PDK1: variants seen among roughly 807,000 people sequenced by gnomAD.
PDK1 encodes the protein [Pyruvate dehydrogenase (acetyl-transferring)] kinase isozyme 1, mitochondrial.
In PDK1, 39 loss-of-function variants were observed where a neutral mutation model predicts 54.2. The ratio of observed to expected loss-of-function variants is 0.72; its 90% CI spans 0.56 to 0.94. The LOEUF is 0.94. PDK1 is among the 40% of genes least tolerant of loss of function. The probability of loss-of-function intolerance (pLI) is 0.00; values close to 1 mark genes in which losing one functional copy is unlikely to be tolerated. For missense variants in PDK1, 552 were observed against 566.0 expected, an observed-to-expected ratio of 0.98 and a Z score of 0.25; for synonymous variants, 221 against 207.1, an observed-to-expected ratio of 1.07 and a Z score of -0.58.
At chr2:172,709,879 A>G in the PDK1 span, among the ~76,000 whole-genome samples, 4 of 152,228 alleles carry the variant, frequency 2.6e-5, no homozygotes, top group African/African-American at 9.6e-5. Context: ...CTTATCGCTC[A>G]GTGATAAACC....
chr2:172,698,876 G>A, the PDK1 span, among the ~76,000 whole-genome samples: 17 of 152,236 alleles, frequency 1.1e-4, no homozygotes, highest in African/African-American at 4.1e-4. Flanking sequence ...TTGTTTCTTA[G>A]AAGCTCCTCA....
At chr2:172,641,014 CTT>C in the PDK1 span, among the ~76,000 whole-genome samples, 92,924 of 132,414 alleles carry the variant, frequency 0.7, 30,763 homozygotes, top group Non-Finnish European at 0.78. Flanking sequence ...TTCTTTCTTT[CTT>C]TCTTTTCTTT....
At chr2:172,643,767 C>T in the PDK1 span, among the ~76,000 whole-genome samples, 4 of 152,192 alleles carry the variant, frequency 2.6e-5, no homozygotes, top group Non-Finnish European at 4.4e-5. Flanking sequence ...CTCCCTGCCC[C>T]ACCGTGAGAA....
At chr2:172,582,009 T>C (rs184744665) in intron 8 of PDK1, among the ~76,000 whole-genome samples, 90 of 151,892 alleles carry the variant, frequency 5.9e-4, no homozygotes, top group Middle Eastern at 6.8e-3. Context: ...CTTTCCCGGG[T>C]TCAAGCAATT....
chr2:172,632,139 C>T, the PDK1 span, among the ~76,000 whole-genome samples: 2 of 151,724 alleles, frequency 1.3e-5, no homozygotes, highest in Admixed American at 6.6e-5. Context: ...CTGGGCATGG[C>T]AGCCTGTAAT....
chr2:172,703,121 C>A, the PDK1 span, among the ~76,000 whole-genome samples: 1 of 152,138 alleles, frequency 6.6e-6, no homozygotes, highest in African/African-American at 2.4e-5. Context: ...AGATTTTGCA[C>A]ACACATGCAG....
chr2:172,673,230 T>C, the PDK1 span, among the ~76,000 whole-genome samples: 33 of 152,296 alleles, frequency 2.2e-4, no homozygotes, highest in East Asian at 6.4e-3. Flanking sequence ...GTTGTCCACA[T>C]GCACAGTGGC....
intron 8 of PDK1, among the ~76,000 whole-genome samples, chr2:172,582,860 C>T (rs1190306277): frequency 6.6e-6 from 1 of 152,188 alleles, no homozygotes; most frequent in Non-Finnish European, 1.5e-5. Context: ...TTAGTTTGCC[C>T]TTTACCTCTA....
chr2:172,700,998 G>C, the PDK1 span, among the ~76,000 whole-genome samples: 6 of 152,202 alleles, frequency 3.9e-5, no homozygotes, highest in African/African-American at 1.4e-4. Flanking sequence ...CCGTGCAAAG[G>C]GGAGAGGGAG....
In PDK1 at chr2:172,558,796, TCTC is replaced by T. The variant is rs1688497886; in HGVS notation, c.288_290del (p.Leu97del). 1 of 1,611,904 alleles carries T rather than the reference TCTC, an allele frequency of 6.2e-7. No individual in the cohort carries two copies. The highest frequency in any genetic ancestry group is 8.5e-7 in the Non-Finnish European group (1 of 1,179,074). On this transcript the variant is annotated inframe_deletion, in exon 2 of 11. Coordinates refer to ENST00000282077, the MANE Select transcript of PDK1 (RefSeq NM_002610.5). ...TGGCAAATATAATGAAAGAAATAAGTCTCCTTCCAGATAATCTTCTCAGGACAC... is the reference window on the plus strand; with the variant it reads ...TGGCAAATATAATGAAAGAAATAAGTCTTCCAGATAATCTTCTCAGGACAC...
chr2:172,670,293 G>A, the PDK1 span, among the ~76,000 whole-genome samples: 3 of 152,080 alleles, frequency 2.0e-5, no homozygotes, highest in Non-Finnish European at 4.4e-5. Flanking sequence ...TCATATTCTA[G>A]GATCTCCAGT....
chr2:172,671,072 C>A, the PDK1 span, among the ~76,000 whole-genome samples: 3 of 150,602 alleles, frequency 2.0e-5, no homozygotes, highest in Non-Finnish European at 3.0e-5. Flanking sequence ...AAATCTAATT[C>A]CCTGCCGTGT....
intron 9 of PDK1, among the ~76,000 whole-genome samples, chr2:172,592,615 TG>T (rs1690662827): frequency 6.6e-6 from 1 of 152,120 alleles, no homozygotes. Context: ...AAGAACCCAC[TG>T]GAAGGAACCA....
rs1479647092 is a variant in PDK1 at position 172,572,841 on chromosome 2, AT to A, written c.945+2021del. Among the ~76,000 whole-genome samples, 15 of 152,326 alleles carry A rather than the reference AT, an allele frequency of 9.8e-5. 1 individual carries two copies. Among genetic ancestry groups the A allele is most frequent in the African/African-American group, 3.6e-4 (15 of 41,580 alleles). ...TGTTTGTGTATTTCTCTTTCTGGGCATTTTATATAAATTTAATCATGCAGTA... is the reference window on the plus strand; with the variant it reads ...TGTTTGTGTATTTCTCTTTCTGGGCATTTATATAAATTTAATCATGCAGTA... On this transcript the variant is annotated intron_variant, in intron 8 of 10. Transcript: ENST00000282077.
chr2:172,636,804 T>C, the PDK1 span, among the ~76,000 whole-genome samples: 1 of 151,426 alleles, frequency 6.6e-6, no homozygotes, highest in Admixed American at 6.6e-5. Flanking sequence ...CGATGGTCCA[T>C]ACATCTCCCA....
intron 8 of PDK1, among the ~76,000 whole-genome samples, chr2:172,583,728 A>G (rs186100121): frequency 6.2e-4 from 95 of 152,242 alleles, no homozygotes; most frequent in African/African-American, 2.2e-3. Context: ...ATATCTACAT[A>G]ATTACCATTA....
chr2:172,633,958 C>A, the PDK1 span, among the ~76,000 whole-genome samples: 1 of 128,010 alleles, frequency 7.8e-6, no homozygotes, highest in Non-Finnish European at 1.6e-5. Context: ...TCACTGCAAA[C>A]TCCACCTCCT....
chr2:172,566,927 C>A lies in PDK1; in HGVS notation c.763C>A (p.Leu255Ile), dbSNP rs1250197783. 6 of 1,598,408 alleles carry A rather than the reference C, an allele frequency of 3.8e-6. No homozygotes were observed. Among genetic ancestry groups the A allele is most frequent in the Non-Finnish European group, 5.1e-6 (6 of 1,166,636 alleles). ...CTCTCCCGAACTAGAACTTGAAGAA[C>A]TAAATGGTAAGCCTGATGTTGTCTT... Reference protein sequence around the residue: ...INSPELELEELNAKSPGQPIQ... With the variant: ...INSPELELEEINAKSPGQPIQ... Residue 255 changes from leucine (L) to isoleucine (I), a missense_variant, in exon 6 of 11, where the codon CTA becomes ATA. Leu to Ile is a conservative substitution (Grantham distance 5, BLOSUM62 2). Transcript: ENST00000282077.
chr2:172,591,650 G>C (rs1160635932), intron 9 of PDK1, among the ~76,000 whole-genome samples: 1 of 152,184 alleles, frequency 6.6e-6, no homozygotes, highest in Non-Finnish European at 1.5e-5. Context: ...GCCCTGCGCT[G>C]ATGGACTTGA....
Sources: allele counts gnomAD v4.1 joint callset (sites outside exome capture counted in the v4.1 genomes callset), GRCh38; gene constraint gnomAD v4.1.1; transcripts MANE v1.5; gene names NCBI Gene and HGNC (gene_info 2026-07-23, HGNC 2026-07-21).